The following SYNE2 variants were observed in gnomAD, a reference collection of about 807,000 sequenced individuals.
SYNE2 encodes the protein spectrin repeat containing nuclear envelope protein 2.
In SYNE2, 431 loss-of-function variants were observed where a neutral mutation model predicts 856.3. The ratio of observed to expected loss-of-function variants is 0.50; its 90% CI spans 0.47 to 0.55. SYNE2 has a LOEUF of 0.55. Ranked by LOEUF, SYNE2 falls within the 20% of genes least tolerant of loss-of-function variation. The pLI is 0.00. For missense variants in SYNE2, 8,129 were observed against 8,023.2 expected (o/e 1.01, Z -0.50); for synonymous variants, 2,923 against 2,872.3 (o/e 1.02, Z -0.56).
intron 1 of SYNE2, among the ~76,000 whole-genome samples, chr14:63,827,756 G>A (rs376264368): frequency 6.6e-6 from 1 of 151,364 alleles, no homozygotes; most frequent in Non-Finnish European, 1.5e-5. Context: ...ACTCTCACAG[G>A]GGGAGAGCGG....
intron 1 of SYNE2, among the ~76,000 whole-genome samples, chr14:63,831,321 C>T (rs7144308): frequency 0.1 from 15,803 of 152,064 alleles, 912 homozygotes; most frequent in African/African-American, 0.15. Context: ...AGTCCTGGGA[C>T]TCTACCTCTT....
At chr14:63,975,599 GC>G (rs1263985732) in intron 11 of SYNE2, among the ~76,000 whole-genome samples, 1 of 152,198 alleles carries the variant, frequency 6.6e-6, no homozygotes, top group Non-Finnish European at 1.5e-5. Context: ...TTCTTGAGGT[GC>G]TGGGTTTATA....
At chr14:63,900,934 A>G (rs1028739782) in intron 1 of SYNE2, among the ~76,000 whole-genome samples, 1 of 152,230 alleles carries the variant, frequency 6.6e-6, no homozygotes, top group African/African-American at 2.4e-5. Context: ...TAGGTGGACT[A>G]TAAATAACAG....
At chr14:63,883,862 A>ATTTTT (rs34392423) in intron 1 of SYNE2, among the ~76,000 whole-genome samples, 3 of 130,512 alleles carry the variant, frequency 2.3e-5, no homozygotes, top group Admixed American at 7.9e-5. Context: ...AAGCTGGTGA[A>ATTTTT]TTTTTTTTTT....
At chr14:63,940,248 A>T (rs2095891958) in intron 2 of SYNE2, among the ~76,000 whole-genome samples, 1 of 151,490 alleles carries the variant, frequency 6.6e-6, no homozygotes. Flanking sequence ...TAAAGATGGG[A>T]TTTCTGTATG....
At position 64,052,179 on chromosome 14, in the gene SYNE2, C is replaced by T; in HGVS notation, c.8266C>T (p.Leu2756Phe). ...LLGELNPSIP[L>F]LPDDILSQIR... ...GGGTGAACTTAATCCCTCCATTCCC[C>T]TTCTCCCAGATGACATTCTTTCACA... Residue 2756 changes from leucine to phenylalanine, a missense_variant, in exon 48 of 116, where the codon CTT becomes TTT. By Grantham distance (22) the Leu-to-Phe change is conservative (BLOSUM62 0). This residue lies in a region of SYNE2 where 5,410 missense variants were observed against 5,284.8 expected (regional missense o/e 1.02). Coordinates refer to ENST00000555002, the MANE Select transcript of SYNE2 (RefSeq NM_182914.3). The T allele has an allele frequency of 6.2e-7, 1 of 1,614,140 alleles. No homozygotes were observed. The highest frequency in any genetic ancestry group is 8.5e-7 in the Non-Finnish European group (1 of 1,180,032).
At chr14:64,171,295 G>A (rs750496278) in intron 94 of SYNE2, among the ~76,000 whole-genome samples, 26 of 152,112 alleles carry the variant, frequency 1.7e-4, no homozygotes, top group African/African-American at 4.8e-4. Flanking sequence ...TGCAATCATC[G>A]CATATTAATT....
chr14:64,148,200 A>G (rs2098204817), intron 84 of SYNE2, among the ~76,000 whole-genome samples: 1 of 152,158 alleles, frequency 6.6e-6, no homozygotes, highest in Non-Finnish European at 1.5e-5. Flanking sequence ...CTGTAGTCCC[A>G]GCTACTCAAG....
At chr14:64,061,103 C>T (rs1440108090) in intron 49 of SYNE2, among the ~76,000 whole-genome samples, 1 of 152,120 alleles carries the variant, frequency 6.6e-6, no homozygotes, top group East Asian at 1.9e-4. Flanking sequence ...TGATTGCTCT[C>T]GTAATTTTTG....
chr14:63,850,043 G>C (rs989778478), upstream of SYNE2, among the ~76,000 whole-genome samples: 3 of 151,212 alleles, frequency 2.0e-5, no homozygotes, highest in Non-Finnish European at 4.4e-5. Flanking sequence ...AAAATACAGA[G>C]GATTGATGGG....
intron 23 of SYNE2, among the ~76,000 whole-genome samples, chr14:63,995,938 C>T (rs938265135): frequency 2.0e-5 from 3 of 152,216 alleles, no homozygotes; most frequent in South Asian, 4.1e-4. Flanking sequence ...TTCCCTTAGG[C>T]GATTTTATGC....
At chr14:63,927,291 T>C (rs975889177) in intron 2 of SYNE2, among the ~76,000 whole-genome samples, 2 of 152,184 alleles carry the variant, frequency 1.3e-5, no homozygotes, top group African/African-American at 4.8e-5. Flanking sequence ...CTCATGCCTG[T>C]AATCCCAGCA....
At position 64,141,580 on chromosome 14, in the gene SYNE2, T is replaced by C. The variant is rs555423890; in HGVS notation, c.15159+57T>C. The C allele has an allele frequency of 5.1e-6, 8 of 1,557,316 alleles. No homozygotes were observed. In the South Asian group the frequency reaches 9.0e-5, roughly 18 times the overall value. ...GCATTCACTTGTTAGCTCATAACTC[T>C]TTTAAAATTATTTCTCTGACTCAAT... is the stretch of plus-strand genomic sequence containing the variant. On this transcript the variant is annotated intron_variant, in intron 81 of 115. Transcript: ENST00000555002.
chr14:63,850,079 CT>C (rs66964099), upstream of SYNE2, among the ~76,000 whole-genome samples: 22,148 of 130,032 alleles, frequency 0.17, 1,439 homozygotes, highest in African/African-American at 0.2. Context: ...TGACAACATA[CT>C]TTTTTTTTTT....
At chr14:63,819,244 T>C (rs1234385940) in intron 1 of SYNE2, among the ~76,000 whole-genome samples, 2 of 152,120 alleles carry the variant, frequency 1.3e-5, no homozygotes, top group East Asian at 3.8e-4. Flanking sequence ...CTTTTCTTTT[T>C]TTTTGAGACA....
rs555792940 is a variant in SYNE2 at position 63,977,971 on chromosome 14, C to T, written c.1360C>T (p.His454Tyr). ...TACCTTTGAAAATAAGGATGAAAAT[C>T]ACTTGCCATTGGTACCACCTAACAA... ...LLTFENKDEN[H>Y]LPLVPPNKLE... The change falls in exon 13 of 116, where the codon CAC (histidine) becomes TAC (tyrosine). Residue 454 changes from histidine (H) to tyrosine (Y), a missense_variant. His to Tyr is a moderately conservative substitution (Grantham distance 83). Transcript: ENST00000555002. 1 of 1,613,898 alleles carries T rather than the reference C, an allele frequency of 6.2e-7. No homozygotes were observed. The highest frequency in any genetic ancestry group is 2.2e-5 in the East Asian group (1 of 44,858).
chr14:64,056,831 T>C (rs1681993910), intron 49 of SYNE2, among the ~76,000 whole-genome samples: 1 of 152,018 alleles, frequency 6.6e-6, no homozygotes, highest in Admixed American at 6.6e-5. Context: ...CCACCACGCC[T>C]GGCTAATTTT....
intron 2 of SYNE2, among the ~76,000 whole-genome samples, chr14:63,933,462 G>T (rs547239924): frequency 1.1e-4 from 17 of 152,182 alleles, no homozygotes; most frequent in African/African-American, 3.1e-4. Flanking sequence ...CACAAAAGCA[G>T]ACTGAATCAG....
intron 99 of SYNE2, among the ~76,000 whole-genome samples, chr14:64,192,731 A>G (rs1039032467): frequency 1.3e-5 from 2 of 152,326 alleles, no homozygotes; most frequent in Middle Eastern, 3.4e-3. Flanking sequence ...GCTTACCCAC[A>G]GTTACATAGC....
Sources: gnomAD v4.1 joint callset for allele counts (sites outside exome capture counted in the v4.1 genomes callset) on GRCh38, gnomAD v4.1.1 for gene constraint, gnomAD v4.1.1 regional missense constraint, MANE v1.5 for transcripts, NCBI Gene and HGNC (gene_info 2026-07-23, HGNC 2026-07-21) for gene names.